Variants in GNAT1 observed in about 807,000 individuals in gnomAD.
GNAT1 encodes the protein guanine nucleotide-binding protein G(t) subunit alpha-1.
A neutral mutation model predicts 40.0 loss-of-function variants in GNAT1; 36 were observed. That is an observed-to-expected ratio of 0.90 (90% CI 0.69 to 1.19). The LOEUF is 1.19. Among genes scored for constraint, GNAT1 ranks in the 50% most tolerant of loss-of-function variants. The probability of loss-of-function intolerance (pLI) is 0.00; values close to 1 mark genes in which losing one functional copy is unlikely to be tolerated. For synonymous variants in GNAT1, 195 were observed against 192.9 expected (o/e 1.01, Z -0.09); for missense variants, 413 against 480.6 (o/e 0.86, Z 1.32).
In GNAT1 at chr3:50,194,605, C is replaced by A. The variant is rs754959065; in HGVS notation, c.813C>A (p.Phe271Leu). ...TCCTTAACAAGAAGGACGTCTTCTT[C>A]GAGAAGATCAAGAAGGCGCACCTCA... Reference protein sequence around the residue: ...VLFLNKKDVFFEKIKKAHLSI... With the variant: ...VLFLNKKDVFLEKIKKAHLSI... The change falls in exon 7 of 9, where the codon TTC (phenylalanine) becomes TTA (leucine). Residue 271 changes from phenylalanine to leucine, a missense_variant. Transcript: ENST00000232461. The surrounding 1 kb of genome is among the most constrained non-coding windows in gnomAD (Gnocchi z 6.1). 1 of 1,613,342 alleles carries A rather than the reference C, an allele frequency of 6.2e-7. No homozygotes were observed. Among genetic ancestry groups the A allele is most frequent in the East Asian group, 2.2e-5 (1 of 44,868 alleles).
chr3:50,194,283 C>T lies in GNAT1; in HGVS notation c.708+62C>T, dbSNP rs1575417347. ...AGGAGGAGCTGCTGGTCCCTGGAGG[C>T]GGAGACCGCGCGCTGGGCTGGGGGA... On this transcript the variant is annotated intron_variant, in intron 6 of 8. Coordinates refer to ENST00000232461, the MANE Select transcript of GNAT1 (RefSeq NM_144499.3). This position sits in a 1 kb window ranked among gnomAD's most constrained non-coding sequence, Gnocchi z 6.1. The T allele has an allele frequency of 6.5e-6, 10 of 1,537,546 alleles. No homozygotes were observed. The East Asian group carries it at 9.7e-5, about 15-fold the overall frequency.
rs1314135007 is a variant in GNAT1 at position 50,191,832 on chromosome 3, G to A, written c.106+1G>A. 1 of 1,604,474 alleles carries A rather than the reference G, an allele frequency of 6.2e-7. No individual in the cohort carries two copies. Among genetic ancestry groups the A allele is most frequent in the Admixed American group, 1.7e-5 (1 of 59,982 alleles). ...CGAACCGTGAAGCTGCTGCTTCTGG[G>A]TAGGGGTGTGGGCCCAGGTGGGGCC... On this transcript the variant is annotated splice_donor_variant, in intron 1 of 8. Transcript: ENST00000232461. LOFTEE classifies it high-confidence loss of function.
chr3:50,193,910 C>T lies in GNAT1; in HGVS notation c.578+29C>T, dbSNP rs777829893. On this transcript the variant is annotated intron_variant, in intron 5 of 8. Coordinates refer to ENST00000232461, the MANE Select transcript of GNAT1 (RefSeq NM_144499.3). This position sits in a 1 kb window ranked among gnomAD's most constrained non-coding sequence, Gnocchi z 8.1. ...CGACCCATACGCTAGCCCAGGAGGTCACTGCCCCAGGCCCCGTCCTGCCCC... is the reference window on the plus strand; with the variant it reads ...CGACCCATACGCTAGCCCAGGAGGTTACTGCCCCAGGCCCCGTCCTGCCCC... The T allele has an allele frequency of 6.2e-7, 1 of 1,613,012 alleles. No homozygotes were observed. The highest frequency in any genetic ancestry group is 2.2e-5 in the East Asian group (1 of 44,876).
rs969179264 is a variant in GNAT1, at chr3:50,194,073, G to C, written c.579-19G>C. 7 of 1,612,548 alleles carry C rather than the reference G, an allele frequency of 4.3e-6. No individual in the cohort carries two copies. Among genetic ancestry groups the C allele is most frequent in the Admixed American group, 3.3e-5 (2 of 59,956 alleles). On this transcript the variant is annotated intron_variant, in intron 5 of 8. Coordinates refer to ENST00000232461, the MANE Select transcript of GNAT1 (RefSeq NM_144499.3). This position sits in a 1 kb window ranked among gnomAD's most constrained non-coding sequence, Gnocchi z 6.1. ...CTGTGGGGCCCGGGGCGCAGGTTCA[G>C]GCCCCCGCGGCCCCGCAGGATGTTC...
At position 50,196,224 on chromosome 3, in the gene GNAT1, A is replaced by G. The variant is rs930705934; in HGVS notation, c.*958A>G. The G allele has an allele frequency of 6.6e-5, 10 of 152,248 alleles. No homozygotes were observed. The highest frequency in any genetic ancestry group is 1.5e-4 in the Non-Finnish European group (10 of 68,072). 9.4% of individuals were successfully genotyped at this position (152,248 alleles called of 1,614,324 possible). A position where few individuals can be genotyped will look rare whatever the true frequency, so the allele number is the denominator to read the frequency against. On this transcript the variant is annotated 3_prime_UTR_variant, in exon 9 of 9. Transcript: ENST00000232461. ...AGGGTCTACCTCAGGTGGGGTTACA[A>G]GCAAACCTGGGTGACCCTCTTGTCC...
At position 50,193,333 on chromosome 3, in the gene GNAT1, C is replaced by T. The variant is rs1236654107; in HGVS notation, c.218C>T (p.Thr73Met). 3 of 1,613,516 alleles carry T rather than the reference C, an allele frequency of 1.9e-6. No homozygotes were observed. Among genetic ancestry groups the T allele is most frequent in the Non-Finnish European group, 2.5e-6 (3 of 1,179,424 alleles). The change falls in exon 3 of 9, where the codon ACG becomes ATG. Residue 73 changes from threonine (T) to methionine (M), a missense_variant. By Grantham distance (81) the Thr-to-Met change is moderately conservative. Transcript: ENST00000232461. This position sits in a 1 kb window ranked among gnomAD's most constrained non-coding sequence, Gnocchi z 8.1. ...TTTATCGCCATCATCTACGGCAACA[C>T]GTTGCAGTCCATCCTGGCCATCGTA... ...LEFIAIIYGN[T>M]LQSILAIVRA...
chr3:50,193,672 G>A lies in GNAT1; in HGVS notation c.449+9G>A, dbSNP rs1240196320. 6.2e-7 allele frequency: 1 copy of A among 1,609,856 alleles called. No individual in the cohort carries two copies. The highest frequency in any genetic ancestry group is 8.5e-7 in the Non-Finnish European group (1 of 1,178,772). ...AACGACTCGGCGGGCTAGTGAGCGC[G>A]CGGGCAGCGCGGGGCGCGGGGCGCG... On this transcript the variant is annotated intron_variant, in intron 4 of 8. Transcript: ENST00000232461. This position sits in a 1 kb window ranked among gnomAD's most constrained non-coding sequence, Gnocchi z 8.1.
At position 50,194,617 on chromosome 3, in the gene GNAT1, G is replaced by T. The variant is rs947123026; in HGVS notation, c.825G>T (p.Lys275Asn). Residue 275 changes from lysine (K) to asparagine (N), a missense_variant, in exon 7 of 9, where the codon AAG (lysine) becomes AAT (asparagine). Physicochemically the swap from Lys to Asn is moderately conservative, Grantham distance 94. Coordinates refer to ENST00000232461, the MANE Select transcript of GNAT1 (RefSeq NM_144499.3). This position sits in a 1 kb window ranked among gnomAD's most constrained non-coding sequence, Gnocchi z 6.1. ...NKKDVFFEKI[K>N]KAHLSICFPD... ...AGGACGTCTTCTTCGAGAAGATCAAGAAGGCGCACCTCAGCATCTGTTTCC... is the reference window on the plus strand; with the variant it reads ...AGGACGTCTTCTTCGAGAAGATCAATAAGGCGCACCTCAGCATCTGTTTCC... 1.2e-6 allele frequency: 2 copies of T among 1,613,574 alleles called. No homozygotes were observed. Among genetic ancestry groups the T allele is most frequent in the African/African-American group, 1.3e-5 (1 of 74,920 alleles).
In GNAT1 at chr3:50,193,678, A is replaced by G; in HGVS notation, c.449+15A>G. 6.2e-7 allele frequency: 1 copy of G among 1,609,388 alleles called. No homozygotes were observed. Among genetic ancestry groups the G allele is most frequent in the Non-Finnish European group, 8.5e-7 (1 of 1,178,452 alleles). ...TCGGCGGGCTAGTGAGCGCGCGGGC[A>G]GCGCGGGGCGCGGGGCGCGGGGCGC... On this transcript the variant is annotated intron_variant, in intron 4 of 8. Coordinates refer to ENST00000232461, the MANE Select transcript of GNAT1 (RefSeq NM_144499.3). The surrounding 1 kb of genome is among the most constrained non-coding windows in gnomAD (Gnocchi z 8.1).
chr3:50,197,012 C>A lies in GNAT1; in HGVS notation c.*1746C>A, dbSNP rs1009954142. On this transcript the variant is annotated 3_prime_UTR_variant, in exon 9 of 9. Coordinates refer to ENST00000232461, the MANE Select transcript of GNAT1 (RefSeq NM_144499.3). The stretch of plus-strand genomic sequence containing the variant: ...CTCACCTTGGGTGCAACATTTAAGG[C>A]GATGCCAAAAAATTTAGTAACCAAG... Among the ~76,000 whole-genome samples the A allele has an allele frequency of 1.3e-5, 2 of 151,886 alleles. No homozygotes were observed. The highest frequency in any genetic ancestry group is 6.6e-5 in the Admixed American group (1 of 15,240).
chr3:50,197,546 T>C lies in GNAT1; in HGVS notation c.*2280T>C, dbSNP rs1699520878. Among the ~76,000 whole-genome samples, 1 of 152,228 alleles carries C rather than the reference T, an allele frequency of 6.6e-6. No individual in the cohort carries two copies. The highest frequency in any genetic ancestry group is 2.4e-5 in the African/African-American group (1 of 41,466). ...TCAAGGTTTATTCATGTGTAGCATA[T>C]GGCAGAATCTCCTTCCTTTTTAAGG... On this transcript the variant is annotated 3_prime_UTR_variant, in exon 9 of 9. Transcript: ENST00000232461.
Position 50,193,737 on chromosome 3 carries a change from GCCGGGTCTCGCGCAGCTACCTCTCCGA to G in GNAT1, c.450-13_463del. 6.2e-7 allele frequency: 1 copy of G among 1,604,138 alleles called. No homozygotes were observed. Among genetic ancestry groups the G allele is most frequent in the Non-Finnish European group, 8.5e-7 (1 of 1,176,186 alleles). ...CTCCACGCCTCCCCACCCACCTACGGCCGGGTCTCGCGCAGCTACCTCTCCGACCTGGAGCGCCTGGTAACCCCGGGC... is the reference window on the plus strand; with the variant it reads ...CTCCACGCCTCCCCACCCACCTACGGCCTGGAGCGCCTGGTAACCCCGGGC... On this transcript the variant is annotated splice_acceptor_variant and splice_polypyrimidine_tract_variant and coding_sequence_variant and intron_variant, in exon 5 of 9. Transcript: ENST00000232461. LOFTEE classifies it high-confidence loss of function. The surrounding 1 kb of genome is among the most constrained non-coding windows in gnomAD (Gnocchi z 8.1).
In GNAT1 at chr3:50,191,669, C is replaced by A; in HGVS notation, c.-57C>A. On this transcript the variant is annotated 5_prime_UTR_variant, in exon 1 of 9. Transcript: ENST00000232461. ...GCCTGGGAGGCCAGGTTCTGGGGAT[C>A]CCCTCCATCCAGAAGAACCACCTGC... The A allele has an allele frequency of 7.7e-7, 1 of 1,291,336 alleles. No homozygotes were observed. Among genetic ancestry groups the A allele is most frequent in the South Asian group, 1.2e-5 (1 of 84,614 alleles). The allele number at this position is 1,291,336 out of a possible 1,614,324, so 80.0% of individuals were successfully genotyped here.
Position 50,194,177 on chromosome 3 carries a change from G to T in GNAT1, c.664G>T (p.Ala222Ser), listed in dbSNP as rs558297346. Residue 222 changes from alanine (A) to serine (S), a missense_variant, in exon 6 of 9, where the codon GCG becomes TCG. By Grantham distance (99) the Ala-to-Ser change is moderately conservative. Coordinates refer to ENST00000232461, the MANE Select transcript of GNAT1 (RefSeq NM_144499.3). This position sits in a 1 kb window ranked among gnomAD's most constrained non-coding sequence, Gnocchi z 6.1. ...EGVTCIIFIA[A>S]LSAYDMVLVE... ...CGTGACCTGCATCATCTTCATCGCG[G>T]CGCTGAGCGCCTACGACATGGTGCT... 1.9e-6 allele frequency: 3 copies of T among 1,613,514 alleles called. No individual in the cohort carries two copies. The African/African-American group carries it at 4.0e-5, about 21-fold the overall frequency.
Position 50,194,351 on chromosome 3 carries a change from C to A in GNAT1, c.708+130C>A. 7.1e-7 allele frequency: 1 copy of A among 1,403,898 alleles called. No homozygotes were observed. The highest frequency in any genetic ancestry group is 9.8e-7 in the Non-Finnish European group (1 of 1,019,008). The allele number at this position is 1,403,898 out of a possible 1,614,324, so 87.0% of individuals were successfully genotyped here. A position where few individuals can be genotyped will look rare whatever the true frequency, so the allele number is the denominator to read the frequency against. On this transcript the variant is annotated intron_variant, in intron 6 of 8. Coordinates refer to ENST00000232461, the MANE Select transcript of GNAT1 (RefSeq NM_144499.3). This position sits in a 1 kb window ranked among gnomAD's most constrained non-coding sequence, Gnocchi z 6.1. The stretch of plus-strand genomic sequence containing the variant: ...CCTGTCCCGGGCGGCCTGAGGAGGC[C>A]CGGAGGCGTTCAGCAGGCCCATCTG...
chr3:50,193,013 C>A lies in GNAT1; in HGVS notation c.107-120C>A. The stretch of plus-strand genomic sequence containing the variant: ...GGTGTGGCTACGGGGTCGGGGCTGG[C>A]GCTCAGGCCTCTTCGCTGCGGGTCC... On this transcript the variant is annotated intron_variant, in intron 1 of 8. Coordinates refer to ENST00000232461, the MANE Select transcript of GNAT1 (RefSeq NM_144499.3). The surrounding 1 kb of genome is among the most constrained non-coding windows in gnomAD (Gnocchi z 8.1). 2.1e-6 allele frequency: 2 copies of A among 958,252 alleles called. No homozygotes were observed. The highest frequency in any genetic ancestry group is 1.5e-5 in the South Asian group (1 of 68,484). 59.4% of individuals were successfully genotyped at this position (958,252 alleles called of 1,614,324 possible). A position where few individuals can be genotyped will look rare whatever the true frequency, so the allele number is the denominator to read the frequency against.
rs1699437569 is a variant in GNAT1 at position 50,193,077 on chromosome 3, C to T, written c.107-56C>T. 6.2e-7 allele frequency: 1 copy of T among 1,603,460 alleles called. No individual in the cohort carries two copies. The highest frequency in any genetic ancestry group is 1.3e-5 in the African/African-American group (1 of 74,748). ...GGGAGGTCCCCGTCCTCCTGGCCTC[C>T]TTGCTGGAGGGGGCAGGCTGGTCAG... On this transcript the variant is annotated intron_variant, in intron 1 of 8. Transcript: ENST00000232461. The surrounding 1 kb of genome is among the most constrained non-coding windows in gnomAD (Gnocchi z 8.1).
rs760372454 is a variant in GNAT1, at chr3:50,194,075, C to G, written c.579-17C>G. 6.2e-7 allele frequency: 1 copy of G among 1,612,342 alleles called. No individual in the cohort carries two copies. Among genetic ancestry groups the G allele is most frequent in the Non-Finnish European group, 8.5e-7 (1 of 1,179,078 alleles). ...GTGGGGCCCGGGGCGCAGGTTCAGG[C>G]CCCCGCGGCCCCGCAGGATGTTCGA... On this transcript the variant is annotated splice_polypyrimidine_tract_variant and intron_variant, in intron 5 of 8. Transcript: ENST00000232461. This position sits in a 1 kb window ranked among gnomAD's most constrained non-coding sequence, Gnocchi z 6.1.
Position 50,193,022 on chromosome 3 carries a change from C to A in GNAT1, c.107-111C>A. ...ACGGGGTCGGGGCTGGCGCTCAGGC[C>A]TCTTCGCTGCGGGTCCACCCTGCCA... On this transcript the variant is annotated intron_variant, in intron 1 of 8. Coordinates refer to ENST00000232461, the MANE Select transcript of GNAT1 (RefSeq NM_144499.3). The surrounding 1 kb of genome is among the most constrained non-coding windows in gnomAD (Gnocchi z 8.1). 1.8e-6 allele frequency: 2 copies of A among 1,115,738 alleles called. No individual in the cohort carries two copies. Among genetic ancestry groups the A allele is most frequent in the South Asian group, 1.3e-5 (1 of 75,952 alleles). The allele number at this position is 1,115,738 out of a possible 1,614,324, so 69.1% of individuals were successfully genotyped here.
Sources: allele counts gnomAD v4.1 joint callset (sites outside exome capture counted in the v4.1 genomes callset), GRCh38; gene constraint gnomAD v4.1.1; non-coding constraint Gnocchi (gnomAD v3.1); transcripts MANE v1.5; gene names NCBI Gene and HGNC (gene_info 2026-07-23, HGNC 2026-07-21).